The following IQGAP1 variants were observed in gnomAD, a reference collection of about 807,000 sequenced individuals.
The protein encoded by IQGAP1 is ras GTPase-activating-like protein IQGAP1.
A neutral mutation model predicts 215.6 loss-of-function variants in IQGAP1; 66 were observed. The observed-to-expected ratio is 0.31, with a 90% CI of 0.25 to 0.38. The LOEUF (loss-of-function observed/expected upper bound fraction) is 0.38, where lower values mean the gene tolerates loss of function less well. Among genes scored for constraint, IQGAP1 ranks in the 10% least tolerant of loss-of-function variants. The pLI, the probability that IQGAP1 is intolerant of heterozygous loss-of-function variation, is 1.00. For missense variants in IQGAP1, 1,712 were observed against 1,997.1 expected, an observed-to-expected ratio of 0.86 and a Z score of 2.72; for synonymous variants, 772 against 728.7, an observed-to-expected ratio of 1.06 and a Z score of -0.96.
intron 15 of IQGAP1, among the ~76,000 whole-genome samples, chr15:90,461,868 G>A (rs929486432): frequency 2.6e-5 from 4 of 151,844 alleles, no homozygotes; most frequent in African/African-American, 9.7e-5. Flanking sequence ...GGCTGGGTGC[G>A]GTGGCTTACA....
chr15:90,424,907 G>A (rs965140941), intron 2 of IQGAP1, among the ~76,000 whole-genome samples: 3 of 152,034 alleles, frequency 2.0e-5, no homozygotes, highest in African/African-American at 7.2e-5. Flanking sequence ...TAGAGTCAAT[G>A]AAGTCTCTGA....
intron 9 of IQGAP1, 118 bp from the exon 10 acceptor site, chr15:90,448,455 A>C: frequency 1.1e-6 from 1 of 870,306 alleles, no homozygotes; most frequent in Non-Finnish European, 1.7e-6. Context: ...TCACAGAGTA[A>C]AGGCTCTCTG....
Position 90,501,301 on chromosome 15 carries a change from C to G in IQGAP1, c.*1193C>G. ...CATTGTGCCTTTATTTTATGAGCCC[C>G]AGTTTTCTGGGCTTAGTTTAAAAAA... On this transcript the variant is annotated 3_prime_UTR_variant, in exon 38 of 38. Coordinates refer to ENST00000268182, the MANE Select transcript of IQGAP1 (RefSeq NM_003870.4). 1 of 151,170 alleles carries G rather than the reference C, an allele frequency of 6.6e-6. No individual in the cohort carries two copies. Among genetic ancestry groups the G allele is most frequent in the East Asian group, 1.9e-4 (1 of 5,162 alleles). 9.4% of individuals were successfully genotyped at this position (151,170 alleles called of 1,614,324 possible).
intron 9 of IQGAP1, 126 bp from the exon 10 acceptor site, chr15:90,448,447 A>G (rs1965554466): frequency 1.1e-5 from 9 of 790,486 alleles, no homozygotes; most frequent in Non-Finnish European, 1.7e-5. Flanking sequence ...TCTGAGAATC[A>G]CAGAGTAAAG....
In IQGAP1 at chr15:90,497,083, G is replaced by T. The variant is rs1596296572; in HGVS notation, c.4752-149G>T. The T allele has an allele frequency of 6.9e-6, 4 of 582,252 alleles. No individual in the cohort carries two copies. The East Asian group carries it at 1.2e-4, about 17-fold the overall frequency. The allele number at this position is 582,252 out of a possible 1,614,324, so 36.1% of individuals were successfully genotyped here. A position where few individuals can be genotyped will look rare whatever the true frequency, so the allele number is the denominator to read the frequency against. On this transcript the variant is annotated intron_variant, in intron 36 of 37. Transcript: ENST00000268182. ...ATGGTACTTGGGCTTGGCAATCTGT[G>T]CTGCTTCAGCTGCAGAAGTACTTTT...
At position 90,492,560 on chromosome 15, in the gene IQGAP1, C is replaced by T. The variant is rs768558979; in HGVS notation, c.4477C>T (p.Arg1493Trp). ...TATGTCTCAGGATATTCGGAATCAGCGGAGGTACCGACAGAGGAGAAAGGC... is the reference window on the plus strand; with the variant it reads ...TATGTCTCAGGATATTCGGAATCAGTGGAGGTACCGACAGAGGAGAAAGGC... Reference protein sequence around the residue: ...NDIARDIRNQRRYRQRRKAEL... With the variant: ...NDIARDIRNQWRYRQRRKAEL... Residue 1493 changes from arginine (R) to tryptophan (W), a missense_variant, in exon 35 of 38, where the codon CGG becomes TGG. Physicochemically the swap from Arg to Trp is moderately radical, Grantham distance 101. Around this residue, in one of 2 missense-constraint regions of IQGAP1, gnomAD observed 691 missense variants for 923.0 expected, o/e 0.75. Transcript: ENST00000268182. 1.2e-6 allele frequency: 2 copies of T among 1,601,362 alleles called. No homozygotes were observed. The highest frequency in any genetic ancestry group is 1.4e-5 in the African/African-American group (1 of 74,062).
At chr15:90,463,528 C>A (rs1965790639) in intron 15 of IQGAP1, among the ~76,000 whole-genome samples, 1 of 152,184 alleles carries the variant, frequency 6.6e-6, no homozygotes, top group South Asian at 2.1e-4. Context: ...ATTGTATTGT[C>A]TCACATTGGA....
At chr15:90,459,671 G>A (rs1965734506) in intron 15 of IQGAP1, among the ~76,000 whole-genome samples, 1 of 152,182 alleles carries the variant, frequency 6.6e-6, no homozygotes, top group Admixed American at 6.5e-5. Flanking sequence ...GGGTGGAATT[G>A]TTTTTTGTTT....
intron 24 of IQGAP1, 94 bp from the exon 25 acceptor site, chr15:90,476,973 A>G: frequency 7.3e-7 from 1 of 1,367,008 alleles, no homozygotes. Context: ...CTTTTTTCTC[A>G]TATGTATTGT....
In IQGAP1 at chr15:90,440,601, T is replaced by C; in HGVS notation, c.635T>C (p.Val212Ala). Residue 212 changes from valine (V) to alanine (A), a missense_variant, in exon 7 of 38, where the codon GTG becomes GCG. By Grantham distance (64) the Val-to-Ala change is moderately conservative (BLOSUM62 0). Coordinates refer to ENST00000268182, the MANE Select transcript of IQGAP1 (RefSeq NM_003870.4). ...GGCATCTTGGCTAATGAACTGTCAG[T>C]GGATGAAGCCGCATGTAAGAAGAGA... ...IGGILANELS[V>A]DEAALHAAVI... The C allele has an allele frequency of 6.4e-7, 1 of 1,561,892 alleles. No homozygotes were observed. The highest frequency in any genetic ancestry group is 2.3e-5 in the East Asian group (1 of 42,902).
Position 90,453,138 on chromosome 15 carries a change from C to G in IQGAP1, c.1333C>G (p.Leu445Val). 6.2e-7 allele frequency: 1 copy of G among 1,610,440 alleles called. No individual in the cohort carries two copies. The highest frequency in any genetic ancestry group is 8.5e-7 in the Non-Finnish European group (1 of 1,178,528). Residue 445 changes from leucine (L) to valine (V), a missense_variant, in exon 13 of 38, where the codon CTC (leucine) becomes GTC (valine). This residue lies in a region of IQGAP1 where 1,021 missense variants were observed against 1,074.2 expected (regional missense o/e 0.95). Coordinates refer to ENST00000268182, the MANE Select transcript of IQGAP1 (RefSeq NM_003870.4). ...TLQRQSPEHN[L>V]THPELSVAVE... ...TCTGTCCCTTTCTGTACAGCATAATCTCACCCACCCAGAGCTCTCTGTCGC... is the reference window on the plus strand; with the variant it reads ...TCTGTCCCTTTCTGTACAGCATAATGTCACCCACCCAGAGCTCTCTGTCGC...
intron 2 of IQGAP1, among the ~76,000 whole-genome samples, chr15:90,399,739 C>T (rs75766851): frequency 0.01 from 1,530 of 152,288 alleles, 19 homozygotes; most frequent in African/African-American, 0.035. Flanking sequence ...TCCCGAACTT[C>T]TGGCCTTAGG....
Position 90,388,980 on chromosome 15 carries a change from C to A in IQGAP1, c.55+584C>A, listed in dbSNP as rs1964595256. 2.0e-5 allele frequency among the ~76,000 whole-genome samples: 3 copies of A among 152,260 alleles called. 1 individual carries two copies. The highest frequency in any genetic ancestry group is 2.0e-4 in the Admixed American group (3 of 15,298). The stretch of plus-strand genomic sequence containing the variant: ...AAGAAGCAGAAAATCCTCTGACTTC[C>A]TCATTTTCTGTTGTCGGCCCTGGAC... On this transcript the variant is annotated intron_variant, in intron 1 of 37. Coordinates refer to ENST00000268182, the MANE Select transcript of IQGAP1 (RefSeq NM_003870.4).
chr15:90,394,890 CT>C (rs1964690656), intron 2 of IQGAP1, among the ~76,000 whole-genome samples: 2 of 152,198 alleles, frequency 1.3e-5, no homozygotes, highest in South Asian at 4.1e-4. Flanking sequence ...TAACAGAGCT[CT>C]TTCTTGGGAA....
chr15:90,474,488 A>G lies in IQGAP1; in HGVS notation c.2579A>G (p.Asn860Ser), dbSNP rs201446255. The change falls in exon 23 of 38, where the codon AAT (asparagine) becomes AGT (serine). Residue 860 changes from asparagine to serine, a missense_variant. Asn to Ser is a conservative substitution (Grantham distance 46). Coordinates refer to ENST00000268182, the MANE Select transcript of IQGAP1 (RefSeq NM_003870.4). ...TTTGATGCATACTTTCTGTCAGTCAATGCTGAGGATCCTCCTATGGTTGTG... is the reference window on the plus strand; with the variant it reads ...TTTGATGCATACTTTCTGTCAGTCAGTGCTGAGGATCCTCCTATGGTTGTG... Reference protein sequence around the residue: ...KARDDYKTLINAEDPPMVVVR... With the variant: ...KARDDYKTLISAEDPPMVVVR... 4.2e-5 allele frequency: 67 copies of G among 1,613,184 alleles called. No homozygotes were observed. In the East Asian group the frequency reaches 1.0e-3, roughly 25 times the overall value.
intron 7 of IQGAP1, 25 bp from the exon 8 acceptor site, chr15:90,441,476 GTTGGT>G (rs769237874): frequency 6.4e-7 from 1 of 1,572,774 alleles, no homozygotes; most frequent in African/African-American, 1.4e-5. Context: ...CAGTGTTTTT[GTTGGT>G]TTGTTTTTTT....
chr15:90,479,979 T>C (rs1966034358), intron 26 of IQGAP1, among the ~76,000 whole-genome samples: 1 of 152,172 alleles, frequency 6.6e-6, no homozygotes, highest in Non-Finnish European at 1.5e-5. Context: ...TTCTCAGTTA[T>C]TTCCTCTGAT....
At chr15:90,487,715 A>T (rs1414319347) in intron 33 of IQGAP1, 133 bp downstream of exon 33, 1 of 644,950 alleles carries the variant, frequency 1.6e-6, no homozygotes, top group Admixed American at 2.9e-5. Context: ...ACTGGGGGAC[A>T]GTGGTAGTTA....
In IQGAP1 at chr15:90,388,315, C is replaced by T. The variant is rs771872283; in HGVS notation, c.-27C>T. The T allele has an allele frequency of 5.0e-6, 8 of 1,597,834 alleles. No homozygotes were observed. The highest frequency in any genetic ancestry group is 2.8e-5 in the African/African-American group (2 of 72,402). On this transcript the variant is annotated 5_prime_UTR_variant, in exon 1 of 38. Transcript: ENST00000268182. ...CGCGCCTCCAAGGTTTCACGGCTTC[C>T]TCAGCAGAGACTCGGGCTCGTCCGC...
Sources: allele counts gnomAD v4.1 joint callset (sites outside exome capture counted in the v4.1 genomes callset), GRCh38; gene constraint gnomAD v4.1.1; regional missense constraint gnomAD v4.1.1; transcripts MANE v1.5; gene names NCBI Gene and HGNC (gene_info 2026-07-23, HGNC 2026-07-21).